The following RAPGEF4 variants were observed in gnomAD, a reference collection of about 807,000 sequenced individuals.
The protein encoded by RAPGEF4 is RAP guanine-nucleotide-exchange factor (GEF) 4.
RAPGEF4 carries 66 observed loss-of-function variants against 147.9 expected under a neutral mutation model. That is an observed-to-expected ratio of 0.45 (90% CI 0.37 to 0.55). RAPGEF4 has a LOEUF of 0.55. Among genes scored for constraint, RAPGEF4 ranks in the 20% least tolerant of loss-of-function variants. The probability of loss-of-function intolerance (pLI) is 0.00; values close to 1 mark genes in which losing one functional copy is unlikely to be tolerated. For synonymous variants in RAPGEF4, 419 were observed against 442.7 expected (o/e 0.95, Z 0.67); for missense variants, 1,071 against 1,257.3 (o/e 0.85, Z 2.24).
At chr2:172,869,859 A>G (rs1695027182) in intron 4 of RAPGEF4, among the ~76,000 whole-genome samples, 1 of 152,186 alleles carries the variant, frequency 6.6e-6, no homozygotes, top group Admixed American at 6.5e-5. Flanking sequence ...TAAAATGTAG[A>G]GGTAAAGTGT....
chr2:172,839,585 C>T (rs1249185432), intron 4 of RAPGEF4, among the ~76,000 whole-genome samples: 2 of 152,024 alleles, frequency 1.3e-5, no homozygotes, highest in African/African-American at 4.8e-5. Context: ...CCTGTTTTAT[C>T]AACAAGGCCT....
Position 172,934,170 on chromosome 2 carries a change from G to A in RAPGEF4, c.537+11870G>A, listed in dbSNP as rs138221101. On this transcript the variant is annotated intron_variant, in intron 6 of 30. Transcript: ENST00000397081. ...TCCTTTTTTTTTTTTTTTTTTTTGCGTCAGTGTCTTGCTCTGTCACCCAGG... is the reference window on the plus strand; with the variant it reads ...TCCTTTTTTTTTTTTTTTTTTTTGCATCAGTGTCTTGCTCTGTCACCCAGG... Among the ~76,000 whole-genome samples, 422 of 62,084 alleles carry A rather than the reference G, an allele frequency of 6.8e-3. 3 individuals are homozygous for A. Among genetic ancestry groups the A allele is most frequent in the Middle Eastern group, 0.019 (1 of 52 alleles). 40.7% of individuals were successfully genotyped at this position (62,084 alleles called of 152,430 possible). A position where few individuals can be genotyped will look rare whatever the true frequency, so the allele number is the denominator to read the frequency against.
intron 29 of RAPGEF4, among the ~76,000 whole-genome samples, chr2:173,038,606 A>C (rs1050360314): frequency 6.6e-6 from 1 of 152,136 alleles, no homozygotes; most frequent in Admixed American, 6.6e-5. Flanking sequence ...GAGCAAGGGG[A>C]GGGAGAGCAT....
chr2:172,845,876 A>T (rs531343420), intron 4 of RAPGEF4, among the ~76,000 whole-genome samples: 1 of 152,258 alleles, frequency 6.6e-6, no homozygotes, highest in Admixed American at 6.5e-5. Context: ...CTGCCAATTC[A>T]TCTGGTTCCT....
intron 1 of RAPGEF4, among the ~76,000 whole-genome samples, chr2:172,777,467 A>AG (rs1684282736): frequency 6.6e-6 from 1 of 152,140 alleles, no homozygotes; most frequent in African/African-American, 2.4e-5. Context: ...TGTATCTCTC[A>AG]GCACTGTGTG....
At chr2:172,917,722 T>C in intron 4 of RAPGEF4, 80 bp from the exon 5 acceptor site, 2 of 1,267,028 alleles carry the variant, frequency 1.6e-6, no homozygotes, top group East Asian at 4.6e-5. Flanking sequence ...ACCCAGCATT[T>C]CTGCTTTTTA....
At chr2:172,877,448 A>G (rs1421004702) in intron 4 of RAPGEF4, among the ~76,000 whole-genome samples, 1 of 152,002 alleles carries the variant, frequency 6.6e-6, no homozygotes, top group Non-Finnish European at 1.5e-5. Context: ...GCAAACCACC[A>G]TGCATACAAA....
chr2:172,770,952 G>A (rs1683503398), intron 1 of RAPGEF4, among the ~76,000 whole-genome samples: 1 of 152,050 alleles, frequency 6.6e-6, no homozygotes, highest in Admixed American at 6.6e-5. Context: ...AAAAAGGATG[G>A]GAGGCACTGT....
At chr2:172,992,586 C>A (rs1038710587) in intron 15 of RAPGEF4, among the ~76,000 whole-genome samples, 11 of 152,180 alleles carry the variant, frequency 7.2e-5, no homozygotes, top group African/African-American at 2.4e-4. Flanking sequence ...AAAGCATTTG[C>A]CTGTTACAAT....
intron 3 of RAPGEF4, among the ~76,000 whole-genome samples, chr2:172,801,712 T>C (rs995908441): frequency 3.3e-5 from 5 of 152,008 alleles, no homozygotes; most frequent in African/African-American, 1.2e-4. Flanking sequence ...TGCTTGCCCA[T>C]TGTGGTTGTA....
intron 4 of RAPGEF4, among the ~76,000 whole-genome samples, chr2:172,861,395 T>C (rs1387317860): frequency 6.6e-6 from 1 of 152,202 alleles, no homozygotes; most frequent in Non-Finnish European, 1.5e-5. Flanking sequence ...AACAGTCCAT[T>C]GATCCTATAG....
intron 4 of RAPGEF4, among the ~76,000 whole-genome samples, chr2:172,835,922 G>T (rs950659950): frequency 6.6e-6 from 1 of 152,092 alleles, no homozygotes; most frequent in African/African-American, 2.4e-5. Flanking sequence ...TTAGAATGTG[G>T]GTCTAGGGCT....
intron 29 of RAPGEF4, among the ~76,000 whole-genome samples, chr2:173,039,485 C>G (rs1253840762): frequency 6.6e-6 from 1 of 151,458 alleles, no homozygotes; most frequent in African/African-American, 2.4e-5. Flanking sequence ...AAAGTTCAAG[C>G]AGGTATGGTA....
intron 19 of RAPGEF4, 40 bp from the exon 20 acceptor site, chr2:173,017,134 G>A (rs753568301): frequency 2.5e-5 from 39 of 1,579,928 alleles, no homozygotes; most frequent in Non-Finnish European, 3.1e-5. Flanking sequence ...TTTAATAGTA[G>A]CAATGGTATT....
chr2:172,808,132 C>T (rs1687679908), intron 3 of RAPGEF4, among the ~76,000 whole-genome samples: 1 of 152,202 alleles, frequency 6.6e-6, no homozygotes, highest in African/African-American at 2.4e-5. Context: ...GAATACCAGT[C>T]TTAGTTATAT....
chr2:172,970,843 T>C (rs900979287), intron 10 of RAPGEF4, among the ~76,000 whole-genome samples: 4 of 152,138 alleles, frequency 2.6e-5, no homozygotes, highest in Non-Finnish European at 4.4e-5. Context: ...GAAATTAGCT[T>C]TTTATGTGGT....
chr2:172,878,684 T>C (rs1285859057), intron 4 of RAPGEF4, among the ~76,000 whole-genome samples: 1 of 152,174 alleles, frequency 6.6e-6, no homozygotes, highest in African/African-American at 2.4e-5. Flanking sequence ...CATTCCCTGC[T>C]AAAGTAAAGA....
chr2:173,026,621 T>C lies in RAPGEF4; in HGVS notation c.2303T>C (p.Phe768Ser), dbSNP rs757218344. ...CCAACTGTTGGAACAGTGGGAACTTTTGAACTGATGAGCTCCAAAGATTTA... is the reference window on the plus strand; with the variant it reads ...CCAACTGTTGGAACAGTGGGAACTTCTGAACTGATGAGCTCCAAAGATTTA... ...EGPTVGTVGT[F>S]ELMSSKDLAY... The change falls in exon 24 of 31, where the codon TTT (phenylalanine) becomes TCT (serine). Residue 768 changes from phenylalanine (F) to serine (S), a missense_variant. By Grantham distance (155) the Phe-to-Ser change is radical. Coordinates refer to ENST00000397081, the MANE Select transcript of RAPGEF4 (RefSeq NM_007023.4). 5.0e-6 allele frequency: 8 copies of C among 1,613,874 alleles called. No homozygotes were observed. The highest frequency in any genetic ancestry group is 5.9e-6 in the Non-Finnish European group (7 of 1,179,882).
chr2:172,834,330 T>C (rs888945560), intron 4 of RAPGEF4, among the ~76,000 whole-genome samples: 2 of 152,184 alleles, frequency 1.3e-5, no homozygotes, highest in African/African-American at 4.8e-5. Flanking sequence ...AAATGGGATA[T>C]AATCATGTGT....
Sources: allele counts gnomAD v4.1 joint callset (sites outside exome capture counted in the v4.1 genomes callset), GRCh38; gene constraint gnomAD v4.1.1; transcripts MANE v1.5; gene names NCBI Gene and HGNC (gene_info 2026-07-23, HGNC 2026-07-21).